HDAC7: variants seen among roughly 807,000 people sequenced by gnomAD.
HDAC7 encodes histone deacetylase 7A.
In HDAC7, 26 loss-of-function variants were observed where a neutral mutation model predicts 115.5. The ratio of observed to expected loss-of-function variants is 0.23; its 90% CI spans 0.16 to 0.31. HDAC7 has a LOEUF of 0.31. Among genes scored for constraint, HDAC7 ranks in the 10% least tolerant of loss-of-function variants. The pLI, the probability that HDAC7 is intolerant of heterozygous loss-of-function variation, is 1.00. For missense variants in HDAC7, 1,068 were observed against 1,329.0 expected (o/e 0.80, Z 3.05); for synonymous variants, 564 against 550.9 (o/e 1.02, Z -0.33).
At chr12:47,802,555 C>T (rs1410678611) in intron 1 of HDAC7, 24 of 1,398,060 alleles carry the variant, frequency 1.7e-5, no homozygotes, top group Non-Finnish European at 2.3e-5. Context: ...GAGGCCTCAG[C>T]TCACCCAGCA....
chr12:47,798,669 C>T lies in HDAC7; in HGVS notation c.259-17G>A, dbSNP rs748989478. 6.2e-7 allele frequency: 1 copy of T among 1,607,678 alleles called. No individual in the cohort carries two copies. Among genetic ancestry groups the T allele is most frequent in the South Asian group, 1.1e-5 (1 of 89,932 alleles). ...CATGGAGAGCTGTGGGCAGGGCCGG[C>T]AGCCCAGAAAGGGACAAGGAGTTGA... On this transcript the variant is annotated splice_polypyrimidine_tract_variant and intron_variant, in intron 3 of 25. Coordinates refer to ENST00000080059, the MANE Select transcript of HDAC7 (RefSeq NM_015401.5). The surrounding 1 kb of genome is among the most constrained non-coding windows in gnomAD (Gnocchi z 4.3).
intron 1 of HDAC7, chr12:47,813,295 T>G: frequency 6.7e-6 from 1 of 148,550 alleles, no homozygotes; most frequent in Admixed American, 6.7e-5. Flanking sequence ...GTCCCGGACG[T>G]GCAGGTTTGT....
chr12:47,794,653 G>A, intron 12 of HDAC7, 107 bp downstream of exon 12: 1 of 1,181,666 alleles, frequency 8.5e-7, no homozygotes, highest in South Asian at 1.6e-5. Flanking sequence ...ATGGGTCCTA[G>A]AGCTGCCTGT....
intron 24 of HDAC7, chr12:47,784,683 G>T: frequency 1.3e-6 from 2 of 1,527,174 alleles, no homozygotes; most frequent in Non-Finnish European, 1.8e-6. Context: ...AACACAACAT[G>T]GGAGAACTGA....
At chr12:47,809,568 T>TTTTA (rs1944561536) in intron 1 of HDAC7, among the ~76,000 whole-genome samples, 1 of 151,990 alleles carries the variant, frequency 6.6e-6, no homozygotes, top group South Asian at 2.1e-4. Flanking sequence ...ACTAAGCGAT[T>TTTTA]TTTATTTATT....
intron 7 of HDAC7, 99 bp downstream of exon 7, chr12:47,796,918 T>C: frequency 7.3e-7 from 1 of 1,377,562 alleles, no homozygotes; most frequent in Admixed American, 2.6e-5. Flanking sequence ...CGCATGGCAG[T>C]CCTAAGGAGG....
At chr12:47,786,155 C>G (rs1443013848) in intron 22 of HDAC7, among the ~76,000 whole-genome samples, 5 of 152,130 alleles carry the variant, frequency 3.3e-5, no homozygotes, top group Non-Finnish European at 7.4e-5. Context: ...TTGACTCTAG[C>G]CTGTGTCTTT....
At chr12:47,810,241 C>T (rs1236987668) in intron 1 of HDAC7, among the ~76,000 whole-genome samples, 4 of 152,336 alleles carry the variant, frequency 2.6e-5, no homozygotes, top group African/African-American at 7.2e-5. Context: ...CCACTGCGCC[C>T]GGCCTATATA....
Position 47,787,888 on chromosome 12 carries a change from C to T in HDAC7, c.2356-79G>A, listed in dbSNP as rs76438414. 4.7e-3 allele frequency: 7,080 copies of T among 1,515,954 alleles called. 281 individuals carry two copies. In the African/African-American group the frequency reaches 0.087, roughly 19 times the overall value. The allele number at this position is 1,515,954 out of a possible 1,614,324, so 93.9% of individuals were successfully genotyped here. On this transcript the variant is annotated intron_variant, in intron 20 of 25. Transcript: ENST00000080059. ...ACACCAGTTTGTTAGAGCTGCCAGCCCAGCTCATCCAGCCTCCCCATTTCC... is the reference window on the plus strand; with the variant it reads ...ACACCAGTTTGTTAGAGCTGCCAGCTCAGCTCATCCAGCCTCCCCATTTCC...
intron 11 of HDAC7, 63 bp from the exon 12 acceptor site, chr12:47,794,996 G>A (rs1943731099): frequency 5.3e-6 from 8 of 1,511,808 alleles, no homozygotes; most frequent in Non-Finnish European, 6.3e-6. Flanking sequence ...GTGGGAGGTG[G>A]TGGGCTGGGC....
chr12:47,794,071 C>T (rs1300543718), intron 12 of HDAC7, among the ~76,000 whole-genome samples: 1 of 152,082 alleles, frequency 6.6e-6, no homozygotes, highest in Non-Finnish European at 1.5e-5. Flanking sequence ...AAAATGAGGT[C>T]GTTAGGGTGG....
chr12:47,799,101 C>G, intron 2 of HDAC7, 129 bp from the exon 3 acceptor site: 1 of 636,136 alleles, frequency 1.6e-6, no homozygotes, highest in South Asian at 2.4e-5. Context: ...GGGGTTTTTC[C>G]TCACTTAATC....
intron 1 of HDAC7, among the ~76,000 whole-genome samples, chr12:47,811,557 A>G (rs2137056868): frequency 6.6e-6 from 1 of 152,384 alleles, no homozygotes; most frequent in East Asian, 1.9e-4. Context: ...AAAGATGTGC[A>G]GTGATCTCTG....
chr12:47,783,911 T>C, intron 25 of HDAC7, 25 bp from the exon 26 acceptor site: 1 of 1,613,120 alleles, frequency 6.2e-7, no homozygotes, highest in Non-Finnish European at 8.5e-7. Context: ...AAGGGTGGGA[T>C]GCTGGAGCAC....
chr12:47,786,757 G>A lies in HDAC7; in HGVS notation c.2454-54C>T, dbSNP rs115079426. ...CGTACTGTGCAGGGTTGCCAGGGGC[G>A]GTCCTGCCAACTTTGCGGTGGGGCA... On this transcript the variant is annotated intron_variant, in intron 21 of 25. Transcript: ENST00000080059. 745 of 1,444,074 alleles carry A rather than the reference G, an allele frequency of 5.2e-4. 4 individuals carry two copies. In the African/African-American group the frequency reaches 9.0e-3, roughly 17 times the overall value. 89.5% of individuals were successfully genotyped at this position (1,444,074 alleles called of 1,614,324 possible).
rs751016836 is a variant in HDAC7 at position 47,792,000 on chromosome 12, C to A, written c.1683G>T (p.Leu561=). ...PARTLPFTTG[L]IYDSVMLKHQ... is the part of the protein sequence containing the mutation. Reference sequence around the variant, plus strand: ...GCTTCAGCATGACCGAGTCATAGATCAGCCCTGCAGGAGCAAGGGTCAGAG... The same window carrying A: ...GCTTCAGCATGACCGAGTCATAGATAAGCCCTGCAGGAGCAAGGGTCAGAG... Residue 561 remains leucine, a synonymous_variant, in exon 14 of 26, where the codon CTG becomes CTT. Coordinates refer to ENST00000080059, the MANE Select transcript of HDAC7 (RefSeq NM_015401.5). 56 of 1,605,226 alleles carry A rather than the reference C, an allele frequency of 3.5e-5. No individual in the cohort carries two copies. The highest frequency in any genetic ancestry group is 4.8e-5 in the Non-Finnish European group (56 of 1,174,366).
chr12:47,815,716 A>G (rs1944829847), intron 1 of HDAC7, among the ~76,000 whole-genome samples: 1 of 152,068 alleles, frequency 6.6e-6, no homozygotes, highest in African/African-American at 2.4e-5. Flanking sequence ...GGCTCAAGCA[A>G]TTCTTCTGCC....
intron 2 of HDAC7, among the ~76,000 whole-genome samples, chr12:47,801,199 A>G (rs968644691): frequency 3.3e-5 from 5 of 152,212 alleles, no homozygotes; most frequent in African/African-American, 1.2e-4. Context: ...CACCAGGATT[A>G]GTGCTCTGTG....
rs561642344 is a variant in HDAC7 at position 47,798,382 on chromosome 12, C to T, written c.350-163G>A. ...TACCCCTCCCTAGAGCCTCCAGACA[C>T]CACCCCCCACCCCCACATCCCCCAC... is the stretch of plus-strand genomic sequence containing the variant. On this transcript the variant is annotated intron_variant, in intron 4 of 25. Transcript: ENST00000080059. The surrounding 1 kb of genome is among the most constrained non-coding windows in gnomAD (Gnocchi z 4.3). Among the ~76,000 whole-genome samples the T allele has an allele frequency of 6.6e-6, 1 of 151,804 alleles. No homozygotes were observed. The highest frequency in any genetic ancestry group is 2.1e-4 in the South Asian group (1 of 4,814).
Sources: allele counts gnomAD v4.1 joint callset (sites outside exome capture counted in the v4.1 genomes callset), GRCh38; gene constraint gnomAD v4.1.1; non-coding constraint Gnocchi (gnomAD v3.1); transcripts MANE v1.5; gene names NCBI Gene and HGNC (gene_info 2026-07-23, HGNC 2026-07-21).